Variants in ZBTB7C observed in about 807,000 individuals in gnomAD.
ZBTB7C encodes the protein zinc finger and BTB domain containing 7C, also known as zinc finger and BTB domain-containing protein 7C.
ZBTB7C carries 8 observed loss-of-function variants against 25.7 expected under a neutral mutation model. The observed-to-expected ratio is 0.31, with a 90% CI of 0.18 to 0.56. The LOEUF (loss-of-function observed/expected upper bound fraction) is 0.56, where lower values mean the gene tolerates loss of function less well. Among genes scored for constraint, ZBTB7C ranks in the 20% least tolerant of loss-of-function variants. The pLI, the probability that ZBTB7C is intolerant of heterozygous loss-of-function variation, is 0.91. For missense variants in ZBTB7C, 824 were observed against 855.2 expected, an observed-to-expected ratio of 0.96 and a Z score of 0.46; for synonymous variants, 394 against 369.0, an observed-to-expected ratio of 1.07 and a Z score of -0.78.
intron 2 of ZBTB7C, among the ~76,000 whole-genome samples, chr18:48,208,044 G>A (rs1202409417): frequency 7.5e-6 from 1 of 133,514 alleles, no homozygotes; most frequent in South Asian, 2.7e-4. Context: ...GTGTTGGGGG[G>A]CAATGGTGGA....
chr18:48,388,338 T>C (rs560455789), intron 1 of ZBTB7C, among the ~76,000 whole-genome samples: 3 of 152,272 alleles, frequency 2.0e-5, no homozygotes, highest in Admixed American at 1.3e-4. Context: ...TTTGTCTCAA[T>C]GGACATTCAT....
At chr18:48,143,477 T>C (rs1401313594) in intron 3 of ZBTB7C, among the ~76,000 whole-genome samples, 1 of 152,176 alleles carries the variant, frequency 6.6e-6, no homozygotes, top group Non-Finnish European at 1.5e-5. Context: ...TACCACTTAC[T>C]GTGTGCAAGC....
chr18:48,231,311 C>T (rs1230403322), intron 2 of ZBTB7C, among the ~76,000 whole-genome samples: 1 of 152,170 alleles, frequency 6.6e-6, no homozygotes, highest in African/African-American at 2.4e-5. Context: ...AATCAGAGTG[C>T]ACTTTCTCCC....
intron 3 of ZBTB7C, among the ~76,000 whole-genome samples, chr18:48,052,790 T>C (rs2036748338): frequency 6.6e-6 from 1 of 152,202 alleles, no homozygotes; most frequent in Admixed American, 6.5e-5. Context: ...TTTCTTCTTT[T>C]ATATAAGACT....
intron 2 of ZBTB7C, among the ~76,000 whole-genome samples, chr18:48,299,161 G>A (rs1176856029): frequency 6.6e-6 from 1 of 152,192 alleles, no homozygotes; most frequent in East Asian, 1.9e-4. Context: ...GGAATCAGAG[G>A]GAGAGGCCTG....
At chr18:48,362,374 G>A (rs1250662628) in intron 1 of ZBTB7C, among the ~76,000 whole-genome samples, 2 of 152,208 alleles carry the variant, frequency 1.3e-5, no homozygotes, top group African/African-American at 2.4e-5. Context: ...GAGGAGGTGG[G>A]GCCTTTGGGA....
chr18:48,370,171 G>A (rs1034861471), intron 1 of ZBTB7C, among the ~76,000 whole-genome samples: 4 of 152,150 alleles, frequency 2.6e-5, no homozygotes, highest in African/African-American at 9.7e-5. Context: ...GAATCCAGAT[G>A]CCCTTCAACA....
chr18:48,094,999 C>T (rs1180447244), intron 3 of ZBTB7C, among the ~76,000 whole-genome samples: 1 of 152,154 alleles, frequency 6.6e-6, no homozygotes, highest in Non-Finnish European at 1.5e-5. Context: ...CAGCACTTTT[C>T]AACCTGGCAA....
intron 1 of ZBTB7C, among the ~76,000 whole-genome samples, chr18:48,407,404 C>A (rs2145341386): frequency 6.6e-6 from 1 of 152,298 alleles, no homozygotes; most frequent in East Asian, 1.9e-4. Flanking sequence ...CAGTGACAGT[C>A]CTGGTTTTTT....
At chr18:48,336,467 T>C (rs1192580873) in intron 2 of ZBTB7C, among the ~76,000 whole-genome samples, 4 of 152,210 alleles carry the variant, frequency 2.6e-5, no homozygotes, top group African/African-American at 9.6e-5. Context: ...AGTGAGATAG[T>C]ATCGTCCCTG....
At chr18:48,390,773 T>C (rs1051974944) in intron 1 of ZBTB7C, among the ~76,000 whole-genome samples, 2 of 152,138 alleles carry the variant, frequency 1.3e-5, no homozygotes, top group Admixed American at 6.5e-5. Context: ...TCAAAAGAGA[T>C]TGCATGCTAA....
chr18:48,270,956 A>G (rs767238536), intron 2 of ZBTB7C, among the ~76,000 whole-genome samples: 1 of 152,196 alleles, frequency 6.6e-6, no homozygotes, highest in Non-Finnish European at 1.5e-5. Context: ...GATATTTCTT[A>G]AATCAAAAGA....
At chr18:48,117,218 G>T (rs1371078920) in intron 3 of ZBTB7C, among the ~76,000 whole-genome samples, 2 of 152,180 alleles carry the variant, frequency 1.3e-5, no homozygotes, top group Non-Finnish European at 2.9e-5. Flanking sequence ...TTAACGATGT[G>T]TTTTTCCTAT....
intron 2 of ZBTB7C, among the ~76,000 whole-genome samples, chr18:48,212,636 G>A (rs2145253501): frequency 6.6e-6 from 1 of 152,196 alleles, no homozygotes; most frequent in South Asian, 2.1e-4. Context: ...ATTTTGCTGT[G>A]AACCTAAAAC....
intron 2 of ZBTB7C, among the ~76,000 whole-genome samples, chr18:48,269,381 C>T (rs1335707164): frequency 6.6e-6 from 1 of 152,218 alleles, no homozygotes; most frequent in African/African-American, 2.4e-5. Flanking sequence ...GTTCTACCCT[C>T]AAGACCTAAT....
At chr18:48,196,192 A>G (rs1348051164) in intron 2 of ZBTB7C, among the ~76,000 whole-genome samples, 2 of 152,186 alleles carry the variant, frequency 1.3e-5, no homozygotes, top group Admixed American at 6.5e-5. Context: ...TTCAGAGACT[A>G]AGGACCTGAT....
At chr18:48,284,433 T>C (rs2044971538) in intron 2 of ZBTB7C, among the ~76,000 whole-genome samples, 1 of 149,484 alleles carries the variant, frequency 6.7e-6, no homozygotes, top group Admixed American at 6.7e-5. Flanking sequence ...AGTGAGACCC[T>C]GTTAAGAAAG....
chr18:48,405,756 C>T (rs1190867931), intron 1 of ZBTB7C, among the ~76,000 whole-genome samples: 2 of 115,498 alleles, frequency 1.7e-5, no homozygotes, highest in East Asian at 2.7e-4. Flanking sequence ...ACCCTCCCTG[C>T]AGGATGCTGC....
chr18:48,371,414 A>C (rs1329848493), intron 1 of ZBTB7C, among the ~76,000 whole-genome samples: 1 of 152,250 alleles, frequency 6.6e-6, no homozygotes, highest in African/African-American at 2.4e-5. Context: ...CCCAACTTAC[A>C]GAAAGGGAAA....
Sources: allele counts gnomAD v4.1 joint callset (sites outside exome capture counted in the v4.1 genomes callset), GRCh38; gene constraint gnomAD v4.1.1; transcripts MANE v1.5; gene names NCBI Gene and HGNC (gene_info 2026-07-23, HGNC 2026-07-21).